PCDHA13: variants seen among roughly 807,000 people sequenced by gnomAD.
PCDHA13 encodes the protein protocadherin alpha-13.
PCDHA13 carries 54 observed loss-of-function variants against 64.8 expected under a neutral mutation model. That is an observed-to-expected ratio of 0.83 (90% confidence interval 0.67 to 1.04). PCDHA13 has a LOEUF of 1.04. Among genes scored for constraint, PCDHA13 ranks in the 50% least tolerant of loss-of-function variants. The pLI is 0.00. For missense variants in PCDHA13, 1,248 were observed against 1,254.3 expected, an observed-to-expected ratio of 0.99 and a Z score of 0.08; for synonymous variants, 587 against 564.4, an observed-to-expected ratio of 1.04 and a Z score of -0.57.
chr5:140,956,186 T>C (rs1305769419), intron 1 of PCDHA13, among the ~76,000 whole-genome samples: 1 of 152,204 alleles, frequency 6.6e-6, no homozygotes, highest in Non-Finnish European at 1.5e-5. Context: ...AATACTATGC[T>C]GAATAGGAGT....
intron 1 of PCDHA13, chr5:140,968,856 G>A (rs782749305): frequency 1.2e-6 from 2 of 1,614,184 alleles, no homozygotes; most frequent in South Asian, 1.1e-5. Flanking sequence ...CATGTTAAGA[G>A]CCCTCGGACA....
At chr5:140,946,295 C>T (rs543000779) in intron 1 of PCDHA13, among the ~76,000 whole-genome samples, 2 of 151,940 alleles carry the variant, frequency 1.3e-5, no homozygotes, top group South Asian at 4.1e-4. Context: ...TCACCTCACA[C>T]CTGGTAGAAT....
chr5:140,941,241 T>TTCTTTCTTTC (rs2092943774), intron 1 of PCDHA13, among the ~76,000 whole-genome samples: 1 of 140,458 alleles, frequency 7.1e-6, no homozygotes, highest in African/African-American at 2.7e-5. Flanking sequence ...CTTTCTTTCT[T>TTCTTTCTTTC]TCTTTCTTTC....
intron 1 of PCDHA13, among the ~76,000 whole-genome samples, chr5:140,899,416 G>T (rs1442946841): frequency 6.6e-6 from 1 of 152,148 alleles, no homozygotes; most frequent in Admixed American, 6.5e-5. Flanking sequence ...GTTGAATTTT[G>T]TCAAAGGTCT....
intron 1 of PCDHA13, among the ~76,000 whole-genome samples, chr5:140,940,808 T>C (rs781904662): frequency 3.3e-5 from 5 of 152,232 alleles, no homozygotes; most frequent in Non-Finnish European, 7.3e-5. Context: ...TGCCAGGATA[T>C]CCTGAGATCT....
chr5:140,933,064 A>G (rs2088836698), intron 1 of PCDHA13, among the ~76,000 whole-genome samples: 1 of 152,030 alleles, frequency 6.6e-6, no homozygotes, highest in African/African-American at 2.4e-5. Context: ...GATCCTGACT[A>G]AAGTATTATG....
At chr5:140,898,408 G>A (rs1189859035) in intron 1 of PCDHA13, among the ~76,000 whole-genome samples, 7 of 152,096 alleles carry the variant, frequency 4.6e-5, no homozygotes, top group African/African-American at 9.7e-5. Flanking sequence ...TTCTACATAC[G>A]GCTAGCCAGT....
At chr5:140,987,585 A>G (rs575330361) in intron 3 of PCDHA13, among the ~76,000 whole-genome samples, 2 of 152,236 alleles carry the variant, frequency 1.3e-5, no homozygotes, top group East Asian at 3.8e-4. Flanking sequence ...AAATGGGGAG[A>G]ATAGTGGTGT....
At chr5:140,941,185 CTTTT>C (rs782102770) in intron 1 of PCDHA13, among the ~76,000 whole-genome samples, 59 of 102,236 alleles carry the variant, frequency 5.8e-4, no homozygotes, top group South Asian at 3.1e-3. Context: ...CATCCTGCTT[CTTTT>C]TTTTTCTTTC....
At chr5:140,926,749 G>C (rs541261946) in intron 1 of PCDHA13, 4 of 1,237,260 alleles carry the variant, frequency 3.2e-6, no homozygotes, top group Non-Finnish European at 3.1e-6. Context: ...CAACGTCGGC[G>C]GTCGCTGAGT....
chr5:140,913,100 A>G (rs2076204390), intron 1 of PCDHA13, among the ~76,000 whole-genome samples: 1 of 152,186 alleles, frequency 6.6e-6, no homozygotes, highest in Non-Finnish European at 1.5e-5. Flanking sequence ...TACTGGCCTC[A>G]TAGAATCAGT....
chr5:140,906,999 G>C (rs187849442), intron 1 of PCDHA13, among the ~76,000 whole-genome samples: 1 of 152,088 alleles, frequency 6.6e-6, no homozygotes, highest in Non-Finnish European at 1.5e-5. Flanking sequence ...TCCTCCCTCT[G>C]GAACTAAGAC....
intron 2 of PCDHA13, chr5:140,982,271 G>A: frequency 1.1e-6 from 1 of 930,566 alleles, no homozygotes; most frequent in South Asian, 1.9e-5. Flanking sequence ...TCCTGGAATA[G>A]TATAGCAGGC....
intron 1 of PCDHA13, among the ~76,000 whole-genome samples, chr5:140,976,448 G>C (rs2096716831): frequency 6.6e-6 from 1 of 152,148 alleles, no homozygotes; most frequent in Non-Finnish European, 1.5e-5. Context: ...CTACTAGGGA[G>C]GCTGGGGAAG....
intron 3 of PCDHA13, among the ~76,000 whole-genome samples, chr5:140,994,595 C>CT (rs1554254262): frequency 6.6e-6 from 1 of 151,984 alleles, no homozygotes; most frequent in East Asian, 1.9e-4. Context: ...GTCTCAGCTA[C>CT]TTGGGAGGCT....
At chr5:140,959,935 T>C (rs2095518080) in intron 1 of PCDHA13, among the ~76,000 whole-genome samples, 2 of 152,178 alleles carry the variant, frequency 1.3e-5, no homozygotes, top group African/African-American at 4.8e-5. Context: ...CCCCATTACT[T>C]AGGCAGAATA....
At chr5:141,000,395 C>CTATATA (rs1190667031) in intron 3 of PCDHA13, among the ~76,000 whole-genome samples, 4 of 53,980 alleles carry the variant, frequency 7.4e-5, no homozygotes, top group East Asian at 6.1e-4. Context: ...CTCTCTCTCT[C>CTATATA]TATATATATA....
At chr5:140,951,312 A>G (rs1316911878) in intron 1 of PCDHA13, among the ~76,000 whole-genome samples, 1 of 152,146 alleles carries the variant, frequency 6.6e-6, no homozygotes, top group Non-Finnish European at 1.5e-5. Flanking sequence ...TTAATGTGTT[A>G]TTCTTGAGAT....
At chr5:140,963,032 T>G (rs541613535) in intron 1 of PCDHA13, among the ~76,000 whole-genome samples, 2 of 152,172 alleles carry the variant, frequency 1.3e-5, no homozygotes, top group African/African-American at 2.4e-5. Flanking sequence ...CAATTAACAT[T>G]TATTGAGAGT....
Sources: allele counts gnomAD v4.1 joint callset (sites outside exome capture counted in the v4.1 genomes callset), GRCh38; gene constraint gnomAD v4.1.1; transcripts MANE v1.5; gene names NCBI Gene and HGNC (gene_info 2026-07-23, HGNC 2026-07-21).